Variants in FOXN3 observed in about 807,000 individuals in gnomAD.
FOXN3 encodes forkhead box N3.
Under a neutral mutation model 38.4 loss-of-function variants are expected in FOXN3, and 7 were observed. That is an observed-to-expected ratio of 0.18 (90% CI 0.10 to 0.34). FOXN3 has a LOEUF of 0.34. FOXN3 is among the 10% of genes least tolerant of loss of function. The pLI is 1.00. For missense variants in FOXN3, 456 were observed against 613.4 expected, an observed-to-expected ratio of 0.74 and a Z score of 2.71; for synonymous variants, 230 against 242.2, an observed-to-expected ratio of 0.95 and a Z score of 0.47.
chr14:89,561,647 C>T (rs1240578565), intron 1 of FOXN3, among the ~76,000 whole-genome samples: 1 of 152,210 alleles, frequency 6.6e-6, no homozygotes, highest in Non-Finnish European at 1.5e-5. Context: ...ATTACTATTG[C>T]TCTGGCTTTA....
chr14:89,255,251 G>A (rs1019777237), intron 4 of FOXN3, among the ~76,000 whole-genome samples: 5 of 152,130 alleles, frequency 3.3e-5, no homozygotes, highest in Non-Finnish European at 5.9e-5. Flanking sequence ...GCCACTTTCC[G>A]GTCTCATTTT....
chr14:89,193,091 C>G (rs555514138), intron 4 of FOXN3, among the ~76,000 whole-genome samples: 1 of 152,064 alleles, frequency 6.6e-6, no homozygotes, highest in Non-Finnish European at 1.5e-5. Flanking sequence ...CCAAGAAAAA[C>G]GATTTTTTCC....
chr14:89,565,548 C>A (rs1895332396), intron 1 of FOXN3, among the ~76,000 whole-genome samples: 1 of 152,174 alleles, frequency 6.6e-6, no homozygotes, highest in Non-Finnish European at 1.5e-5. Flanking sequence ...CCGTCCTCAT[C>A]TTTGACATGA....
chr14:89,377,686 C>T (rs1166701324), intron 2 of FOXN3, among the ~76,000 whole-genome samples: 2 of 152,200 alleles, frequency 1.3e-5, no homozygotes, highest in African/African-American at 4.8e-5. Flanking sequence ...ATCTGTAAAA[C>T]CTTATTGCAG....
At chr14:89,581,567 C>A (rs1197747299) in intron 1 of FOXN3, among the ~76,000 whole-genome samples, 1 of 152,098 alleles carries the variant, frequency 6.6e-6, no homozygotes, top group Admixed American at 6.6e-5. Flanking sequence ...TACGTGTCAT[C>A]CGACTATTCC....
rs374604499 is a variant in FOXN3, at chr14:89,583,949, C to T, written c.-15+35079G>A. On this transcript the variant is annotated intron_variant, in intron 1 of 6. Transcript: ENST00000345097. ...TCGACTCACTGCAACCTCCGCCTCC[C>T]GGGTTCAAGCAATTCTCCTGCCTCA... Among the ~76,000 whole-genome samples, 49 of 151,922 alleles carry T rather than the reference C, an allele frequency of 3.2e-4. No homozygotes were observed. The Middle Eastern group carries it at 0.01, about 32-fold the overall frequency.
chr14:89,181,265 TA>T (rs2139796789), intron 4 of FOXN3, among the ~76,000 whole-genome samples: 1 of 151,826 alleles, frequency 6.6e-6, no homozygotes, highest in African/African-American at 2.4e-5. Context: ...TTATTAAACA[TA>T]ACCTTTTACC....
intron 1 of FOXN3, among the ~76,000 whole-genome samples, chr14:89,476,773 T>G (rs1893219532): frequency 6.6e-6 from 1 of 152,230 alleles, no homozygotes; most frequent in Non-Finnish European, 1.5e-5. Flanking sequence ...TTTCAAATGC[T>G]ATCCCCCCAC....
Position 89,563,633 on chromosome 14 carries a change from G to C in FOXN3, c.-15+55395C>G, listed in dbSNP as rs1895292334. ...GTAGGGGTGTTTAGATGGGCAGAAA[G>C]GGGAGGGGATGCCACTTGAGAGAGC... On this transcript the variant is annotated intron_variant, in intron 1 of 6. Coordinates refer to the FOXN3 transcript ENST00000345097. Among the ~76,000 whole-genome samples the C allele has an allele frequency of 2.0e-5, 3 of 152,156 alleles. No individual in the cohort carries two copies. The South Asian group carries it at 6.2e-4, about 32-fold the overall frequency.
chr14:89,345,195 T>C (rs1883969173), intron 3 of FOXN3, among the ~76,000 whole-genome samples: 1 of 152,106 alleles, frequency 6.6e-6, no homozygotes, highest in Non-Finnish European at 1.5e-5. Flanking sequence ...GCTCAGCAGA[T>C]CTTCCAGAGA....
intron 1 of FOXN3, among the ~76,000 whole-genome samples, chr14:89,613,302 G>A (rs1189113987): frequency 6.6e-6 from 1 of 152,036 alleles, no homozygotes; most frequent in Non-Finnish European, 1.5e-5. Flanking sequence ...CTTCAGCAAG[G>A]TCCTGGTAAC....
chr14:89,582,324 A>G (rs1450391024), intron 1 of FOXN3, among the ~76,000 whole-genome samples: 1 of 152,142 alleles, frequency 6.6e-6, no homozygotes, highest in East Asian at 1.9e-4. Flanking sequence ...CCCTTCTCCA[A>G]GGTTCTCTAT....
At chr14:89,325,323 C>T (rs901627601) in intron 3 of FOXN3, among the ~76,000 whole-genome samples, 1 of 105,518 alleles carries the variant, frequency 9.5e-6, no homozygotes, top group African/African-American at 4.5e-5. Flanking sequence ...CGACCACCAC[C>T]ACCACCACCA....
rs1891571229 is a variant in FOXN3 at position 89,412,556 on chromosome 14, C to T, written c.-14-66G>A. Reference sequence around the variant, plus strand: ...CCAAAACAGAAAGGCAGACTGTACCCCTCTGATCCTGTTGCCTCCCTCTGC... The same window carrying T: ...CCAAAACAGAAAGGCAGACTGTACCTCTCTGATCCTGTTGCCTCCCTCTGC... On this transcript the variant is annotated intron_variant, in intron 1 of 5. Coordinates refer to ENST00000557258, the MANE Select transcript of FOXN3 (RefSeq NM_005197.4). The surrounding 1 kb of genome is among the most constrained non-coding windows in gnomAD (Gnocchi z 4.7). The T allele has an allele frequency of 2.2e-6, 3 of 1,374,506 alleles. No individual in the cohort carries two copies. The African/African-American group carries it at 4.3e-5, about 20-fold the overall frequency. The allele number at this position is 1,374,506 out of a possible 1,614,324, so 85.1% of individuals were successfully genotyped here. A position where few individuals can be genotyped will look rare whatever the true frequency, so the allele number is the denominator to read the frequency against.
At chr14:89,460,293 C>CACCAGAAAAGGAAT (rs1359180904) in intron 1 of FOXN3, among the ~76,000 whole-genome samples, 1 of 152,116 alleles carries the variant, frequency 6.6e-6, no homozygotes, top group Non-Finnish European at 1.5e-5. Context: ...GCGAACATTC[C>CACCAGAAAAGGAAT]TTTTCTGGCG....
Position 89,495,240 on chromosome 14 carries a change from T to C in FOXN3, c.-14-82750A>G, listed in dbSNP as rs114292522. Among the ~76,000 whole-genome samples the C allele has an allele frequency of 7.1e-3, 1,081 of 152,276 alleles. 10 individuals are homozygous for C. Among genetic ancestry groups the C allele is most frequent in the African/African-American group, 0.025 (1,030 of 41,548 alleles). ...ACTTGAATACAATTTTCGCACTAAA[T>C]AATCACTTGTAGGCTTTAAAAGTGC... On this transcript the variant is annotated intron_variant, in intron 1 of 6. Transcript: ENST00000345097.
At chr14:89,518,186 C>T (rs746563302) in intron 1 of FOXN3, among the ~76,000 whole-genome samples, 1 of 152,198 alleles carries the variant, frequency 6.6e-6, no homozygotes, top group Non-Finnish European at 1.5e-5. Flanking sequence ...CCCCTCTCCC[C>T]CTGAAGGTTC....
intron 3 of FOXN3, among the ~76,000 whole-genome samples, chr14:89,312,007 G>A (rs910122354): frequency 3.3e-5 from 5 of 152,012 alleles, no homozygotes; most frequent in East Asian, 1.9e-4. Flanking sequence ...AAGGCCAGCC[G>A]GGCACAGTGG....
intron 1 of FOXN3, among the ~76,000 whole-genome samples, chr14:89,615,809 T>A (rs1196937272): frequency 6.6e-6 from 1 of 152,182 alleles, no homozygotes; most frequent in Non-Finnish European, 1.5e-5. Flanking sequence ...ATATTTAACT[T>A]CTACAGTATA....
Sources: gnomAD v4.1 joint callset for allele counts (sites outside exome capture counted in the v4.1 genomes callset) on GRCh38, gnomAD v4.1.1 for gene constraint, Gnocchi (gnomAD v3.1) non-coding constraint, MANE v1.5 for transcripts, NCBI Gene and HGNC (gene_info 2026-07-23, HGNC 2026-07-21) for gene names.